The following PRKCH variants were observed in gnomAD, a reference collection of about 807,000 sequenced individuals.
PRKCH encodes protein kinase C eta.
PRKCH carries 28 observed loss-of-function variants against 82.5 expected under a neutral mutation model. The observed-to-expected ratio is 0.34, with a 90% CI of 0.25 to 0.47. PRKCH has a LOEUF of 0.47. Ranked by LOEUF, PRKCH falls within the 20% of genes least tolerant of loss-of-function variation. PRKCH has a pLI of 1.00. For missense variants in PRKCH, 705 were observed against 881.8 expected (o/e 0.80, Z 2.54); for synonymous variants, 322 against 327.4 (o/e 0.98, Z 0.18).
intron 1 of PRKCH, among the ~76,000 whole-genome samples, chr14:61,199,548 T>C (rs551111072): frequency 6.6e-6 from 1 of 152,346 alleles, no homozygotes; most frequent in Admixed American, 6.5e-5. Context: ...AAAGTGAATG[T>C]TATGGATTTA....
intron 7 of PRKCH, among the ~76,000 whole-genome samples, chr14:61,454,114 C>G (rs1431430355): frequency 1.4e-5 from 2 of 142,056 alleles, no homozygotes; most frequent in African/African-American, 5.2e-5. Flanking sequence ...TTTCTTTTTT[C>G]TATTTGTTTT....
At chr14:61,429,423 C>T (rs1223412487) in intron 2 of PRKCH, among the ~76,000 whole-genome samples, 2 of 152,176 alleles carry the variant, frequency 1.3e-5, no homozygotes, top group African/African-American at 2.4e-5. Flanking sequence ...CATATGCTCT[C>T]GTCCACTGTT....
intron 9 of PRKCH, 140 bp from the exon 10 acceptor site, chr14:61,485,362 G>C (rs1886171020): frequency 1.8e-6 from 2 of 1,139,222 alleles, no homozygotes; most frequent in Non-Finnish European, 2.5e-6. Flanking sequence ...ACTGCACCCT[G>C]ACCCATGGTC....
At chr14:61,338,905 T>C (rs753480675) in intron 1 of PRKCH, among the ~76,000 whole-genome samples, 13 of 152,208 alleles carry the variant, frequency 8.5e-5, no homozygotes, top group Non-Finnish European at 1.6e-4. Flanking sequence ...ATCATGATTC[T>C]GAAAAATTGT....
At chr14:61,430,046 G>A (rs1883310221) in intron 2 of PRKCH, among the ~76,000 whole-genome samples, 1 of 152,172 alleles carries the variant, frequency 6.6e-6, no homozygotes, top group Non-Finnish European at 1.5e-5. Context: ...ATGGAATCAA[G>A]AGTAGAGGCA....
At chr14:61,315,229 C>G (rs1425984142) in intron 1 of PRKCH, among the ~76,000 whole-genome samples, 1 of 152,088 alleles carries the variant, frequency 6.6e-6, no homozygotes, top group African/African-American at 2.4e-5. Flanking sequence ...TGCTGAGAGT[C>G]TCAGTCTTCC....
At position 61,533,342 on chromosome 14, in the gene PRKCH, T is replaced by TG. The variant is rs2043065374; in HGVS notation, c.1761+2747_1761+2748insG. On this transcript the variant is annotated intron_variant, in intron 12 of 13. Transcript: ENST00000332981. Reference sequence around the variant, plus strand: ...GGATTTCTGGGATTTTTTTTTTTTTTTTGTGCATTTTACTCTCCATGCCTA... The same window carrying TG: ...GGATTTCTGGGATTTTTTTTTTTTTTGTTGTGCATTTTACTCTCCATGCCTA... Among the ~76,000 whole-genome samples the TG allele has an allele frequency of 4.2e-5, 5 of 120,060 alleles. No homozygotes were observed. In the East Asian group the frequency reaches 1.7e-3, roughly 40 times the overall value. 78.8% of individuals were successfully genotyped at this position (120,060 alleles called of 152,430 possible). A position where few individuals can be genotyped will look rare whatever the true frequency, so the allele number is the denominator to read the frequency against.
intron 1 of PRKCH, chr14:61,281,436 G>T: frequency 3.6e-6 from 1 of 280,958 alleles, no homozygotes. Flanking sequence ...GTGAGCAGGT[G>T]GGTGTTTTTT....
intron 10 of PRKCH, among the ~76,000 whole-genome samples, chr14:61,521,043 TATAGAGA>T (rs757424146): frequency 1.3e-5 from 2 of 152,176 alleles, no homozygotes; most frequent in Non-Finnish European, 2.9e-5. Flanking sequence ...ATGCAACCAT[TATAGAGA>T]ATGAGCCAGA....
chr14:61,214,187 G>A (rs540403809), intron 1 of PRKCH, among the ~76,000 whole-genome samples: 4 of 152,138 alleles, frequency 2.6e-5, no homozygotes, highest in Non-Finnish European at 4.4e-5. Flanking sequence ...TTTAACCATC[G>A]TATTTCTCAT....
chr14:61,251,843 T>C (rs970957508), intron 1 of PRKCH, among the ~76,000 whole-genome samples: 2 of 152,138 alleles, frequency 1.3e-5, no homozygotes, highest in Non-Finnish European at 2.9e-5. Context: ...TCTTTTTTTT[T>C]TTTTTATTTG....
At chr14:61,219,170 T>A (rs1487451217) in intron 1 of PRKCH, among the ~76,000 whole-genome samples, 50 of 152,248 alleles carry the variant, frequency 3.3e-4, no homozygotes, top group Admixed American at 3.3e-3. Context: ...TAGGGGCTCA[T>A]TAGCAGATAG....
intron 2 of PRKCH, among the ~76,000 whole-genome samples, chr14:61,426,733 A>G (rs1184866101): frequency 6.6e-6 from 1 of 152,246 alleles, no homozygotes; most frequent in Non-Finnish European, 1.5e-5. Context: ...ATTTTCACCT[A>G]CAATTATAGT....
intron 12 of PRKCH, among the ~76,000 whole-genome samples, chr14:61,536,191 G>A (rs1265606056): frequency 7.2e-6 from 1 of 138,008 alleles, no homozygotes; most frequent in African/African-American, 2.6e-5. Flanking sequence ...ATGATTTTTT[G>A]CCACAGACAA....
chr14:61,222,562 C>A (rs2044663628), intron 1 of PRKCH, among the ~76,000 whole-genome samples: 2 of 152,178 alleles, frequency 1.3e-5, no homozygotes, highest in Non-Finnish European at 2.9e-5. Context: ...TAATGTGTCT[C>A]CTGAGAATTG....
intron 1 of PRKCH, among the ~76,000 whole-genome samples, chr14:61,337,140 ATTTTT>A (rs56865144): frequency 3.6e-4 from 36 of 100,346 alleles, no homozygotes; most frequent in Admixed American, 4.0e-4. Flanking sequence ...GACACCAACA[ATTTTT>A]TTTTTTTTTT....
intron 1 of PRKCH, among the ~76,000 whole-genome samples, chr14:61,329,777 A>T (rs1037582220): frequency 1.3e-5 from 2 of 152,288 alleles, no homozygotes; most frequent in Middle Eastern, 3.4e-3. Context: ...GTGTTCCCTC[A>T]GTATCCTGAG....
chr14:61,484,794 G>A (rs1018366583), intron 9 of PRKCH, among the ~76,000 whole-genome samples: 5 of 135,792 alleles, frequency 3.7e-5, no homozygotes, highest in African/African-American at 1.5e-4. Flanking sequence ...GGAAGAAGGA[G>A]TCTTACTCCT....
At chr14:61,253,512 TG>T (rs2044967346) in intron 1 of PRKCH, among the ~76,000 whole-genome samples, 1 of 119,446 alleles carries the variant, frequency 8.4e-6, no homozygotes, top group Non-Finnish European at 1.7e-5. Flanking sequence ...GGTCCTTCAC[TG>T]GGGTGGGGGG....
Sources: gnomAD v4.1 joint callset for allele counts (sites outside exome capture counted in the v4.1 genomes callset) on GRCh38, gnomAD v4.1.1 for gene constraint, MANE v1.5 for transcripts, NCBI Gene and HGNC (gene_info 2026-07-23, HGNC 2026-07-21) for gene names.